The following KRABD3 variants were observed in gnomAD, a reference collection of about 807,000 sequenced individuals.
KRABD3 encodes the protein KRAB domain containing 3, also known as KRAB domain-containing protein 3.
chr7:149,725,821 C>G, the KRABD3 span: 2 of 1,408,400 alleles, frequency 1.4e-6, no homozygotes, highest in South Asian at 3.0e-5. Flanking sequence ...GCCCGTGCAC[C>G]CCATGGCCCA....
At chr7:149,722,508 A>G in the KRABD3 span, 16 of 1,174,182 alleles carry the variant, frequency 1.4e-5, no homozygotes, top group Non-Finnish European at 1.9e-5. Context: ...TAGCCCCAGC[A>G]GGAGGAAGAG....
At chr7:149,731,804 C>T in the KRABD3 span, 1 of 1,543,282 alleles carries the variant, frequency 6.5e-7, no homozygotes, top group East Asian at 2.3e-5. Flanking sequence ...CCCATTCCCT[C>T]TGCACGGGCC....
At chr7:149,725,998 G>C in the KRABD3 span, 1 of 1,612,544 alleles carries the variant, frequency 6.2e-7, no homozygotes, top group Non-Finnish European at 8.5e-7. Flanking sequence ...TCATCCAGCA[G>C]CACCGACTGG....
At chr7:149,734,075 G>A in the KRABD3 span, 45 of 1,568,268 alleles carry the variant, frequency 2.9e-5, no homozygotes, top group Admixed American at 5.3e-5. Context: ...ACATCTGCTC[G>A]TTCTTGCCGA....
the KRABD3 span, chr7:149,729,116 C>T: frequency 1.6e-6 from 2 of 1,230,986 alleles, no homozygotes; most frequent in Non-Finnish European, 1.1e-6. Flanking sequence ...AGAAACTGTT[C>T]CCTGTCCCTT....
the KRABD3 span, chr7:149,719,526 C>T: frequency 7.7e-6 from 12 of 1,549,200 alleles, no homozygotes; most frequent in Non-Finnish European, 1.0e-5. The surrounding 1 kb of genome is among the most constrained non-coding windows in gnomAD (Gnocchi z 5.6). Flanking sequence ...AACCAACCCC[C>T]CCGGAGACTG....
the KRABD3 span, among the ~76,000 whole-genome samples, chr7:149,733,047 T>C: frequency 6.6e-6 from 1 of 152,178 alleles, no homozygotes; most frequent in East Asian, 1.9e-4. Flanking sequence ...GCCATAAGCA[T>C]TGGCATCTGC....
the KRABD3 span, chr7:149,721,661 CT>C: frequency 2.8e-5 from 31 of 1,088,706 alleles, no homozygotes; most frequent in East Asian, 7.7e-4. Context: ...TTGTGCTGTT[CT>C]TTTGTTAACA....
chr7:149,725,426 C>T, the KRABD3 span: 2,528 of 1,612,272 alleles, frequency 1.6e-3, 35 homozygotes, highest in South Asian at 0.013. Flanking sequence ...TCCCAGAACC[C>T]CCAGCCAGGA....
At chr7:149,733,448 A>G in the KRABD3 span, 1 of 1,588,830 alleles carries the variant, frequency 6.3e-7, no homozygotes, top group East Asian at 2.3e-5. Flanking sequence ...GGCCACCATG[A>G]GGACCCAGGT....
chr7:149,733,294 G>A, the KRABD3 span: 12 of 1,612,430 alleles, frequency 7.4e-6, 1 homozygote, highest in African/African-American at 4.0e-5. Flanking sequence ...CGGAAGCTGC[G>A]CCTCCTGTGT....
the KRABD3 span, chr7:149,729,702 G>T: frequency 3.3e-5 from 33 of 985,290 alleles, no homozygotes; most frequent in Non-Finnish European, 4.0e-5. Context: ...CTGCTGCAGG[G>T]CCTGCTGGGA....
At chr7:149,715,145 C>A in the KRABD3 span, 1 of 1,230,114 alleles carries the variant, frequency 8.1e-7, no homozygotes, top group Middle Eastern at 3.1e-4. Context: ...TGGGACCCCC[C>A]CGCAACTTCG....
the KRABD3 span, chr7:149,715,327 T>A: frequency 1.6e-6 from 2 of 1,212,504 alleles, no homozygotes; most frequent in Non-Finnish European, 2.0e-6. Context: ...CCTGGTAGAG[T>A]GGGCATGAAG....
the KRABD3 span, chr7:149,734,307 C>T: frequency 2.0e-6 from 1 of 506,726 alleles, no homozygotes; most frequent in Non-Finnish European, 3.5e-6. Flanking sequence ...CCTGTCTTTC[C>T]CACTGGAGCC....
chr7:149,722,991 G>A, the KRABD3 span: 1 of 1,491,296 alleles, frequency 6.7e-7, no homozygotes, highest in Non-Finnish European at 9.0e-7. Flanking sequence ...GGTCTCTGAA[G>A]CTTGGTTTGC....
the KRABD3 span, chr7:149,723,412 A>G: frequency 2.8e-6 from 1 of 356,970 alleles, no homozygotes; most frequent in Non-Finnish European, 5.1e-6. Context: ...CTTACTGTAC[A>G]ACTCCATTTT....
At chr7:149,725,201 G>C in the KRABD3 span, 1 of 1,058,186 alleles carries the variant, frequency 9.5e-7, no homozygotes, top group South Asian at 1.8e-5. Flanking sequence ...GCCAGAGCCT[G>C]GTACAGGACT....
chr7:149,730,436 C>G, the KRABD3 span: 1 of 1,592,846 alleles, frequency 6.3e-7, no homozygotes, highest in Non-Finnish European at 8.5e-7. Flanking sequence ...AGAGAGGGAC[C>G]GCCTTCCCAG....
Sources: allele counts gnomAD v4.1 joint callset (sites outside exome capture counted in the v4.1 genomes callset), GRCh38; gene constraint gnomAD v4.1.1; non-coding constraint Gnocchi (gnomAD v3.1); transcripts MANE v1.5; gene names NCBI Gene and HGNC (gene_info 2026-07-23, HGNC 2026-07-21).